The following SHISA9 variants were observed in gnomAD, a reference collection of about 807,000 sequenced individuals.
SHISA9 encodes shisa family member 9.
Under a neutral mutation model 38.0 loss-of-function variants are expected in SHISA9, and 13 were observed. The observed-to-expected ratio is 0.34, with a 90% confidence interval of 0.22 to 0.54. SHISA9 has a LOEUF of 0.54. Among genes scored for constraint, SHISA9 ranks in the 20% least tolerant of loss-of-function variants. The probability of loss-of-function intolerance (pLI) is 0.91; values close to 1 mark genes in which losing one functional copy is unlikely to be tolerated. For missense variants in SHISA9, 538 were observed against 575.8 expected (o/e 0.93, Z 0.67); for synonymous variants, 275 against 242.0 (o/e 1.14, Z -1.27).
intron 2 of SHISA9, among the ~76,000 whole-genome samples, chr16:13,163,445 C>G (rs774939495): frequency 6.6e-6 from 1 of 152,004 alleles, no homozygotes; most frequent in Admixed American, 6.6e-5. Context: ...ATTTTTACTG[C>G]GATTGCATTG....
chr16:13,209,507 A>G (rs2051098085), intron 3 of SHISA9, among the ~76,000 whole-genome samples: 1 of 152,240 alleles, frequency 6.6e-6, no homozygotes, highest in Admixed American at 6.5e-5. Flanking sequence ...GCCCAGGCAT[A>G]TAGATACTGT....
the SHISA9 span, among the ~76,000 whole-genome samples, chr16:13,280,557 A>G: frequency 2.0e-5 from 3 of 151,774 alleles, no homozygotes; most frequent in Non-Finnish European, 4.4e-5. Flanking sequence ...CTTGCCTATT[A>G]TTTAGAAGTA....
At chr16:13,467,829 C>G in the SHISA9 span, among the ~76,000 whole-genome samples, 1 of 152,186 alleles carries the variant, frequency 6.6e-6, no homozygotes, top group African/African-American at 2.4e-5. Context: ...TCACCTAACA[C>G]CAGGTTCATT....
At chr16:12,970,994 G>A (rs1325420988) in intron 2 of SHISA9, among the ~76,000 whole-genome samples, 1 of 152,212 alleles carries the variant, frequency 6.6e-6, no homozygotes, top group African/African-American at 2.4e-5. Context: ...CACGTGGACA[G>A]TTAGAGATTG....
At chr16:13,561,022 C>T in the SHISA9 span, among the ~76,000 whole-genome samples, 1 of 152,114 alleles carries the variant, frequency 6.6e-6, no homozygotes, top group Non-Finnish European at 1.5e-5. Context: ...CGACACCACT[C>T]CCGGCTAATT....
At chr16:13,374,736 G>A in the SHISA9 span, among the ~76,000 whole-genome samples, 34 of 152,068 alleles carry the variant, frequency 2.2e-4, no homozygotes, top group Non-Finnish European at 4.3e-4. Context: ...TTGAGGAATC[G>A]CCACACTGTC....
chr16:13,388,310 A>ATTT, the SHISA9 span, among the ~76,000 whole-genome samples: 5,627 of 140,268 alleles, frequency 0.04, 229 homozygotes, highest in African/African-American at 0.1. Flanking sequence ...AATTTGGGGA[A>ATTT]TTTTTTTTTT....
At position 13,097,334 on chromosome 16, in the gene SHISA9, C is replaced by T. The variant is rs183065038; in HGVS notation, c.692-106060C>T. Among the ~76,000 whole-genome samples the T allele has an allele frequency of 8.6e-4, 131 of 152,184 alleles. 1 individual carries two copies. Among genetic ancestry groups the T allele is most frequent in the Middle Eastern group, 6.8e-3 (2 of 292 alleles). On this transcript the variant is annotated intron_variant, in intron 2 of 4. Coordinates refer to ENST00000558583, the MANE Select transcript of SHISA9 (RefSeq NM_001145204.3). The stretch of plus-strand genomic sequence containing the variant: ...GACCCTTGGAATAGTGCTCTCAGGT[C>T]ATCTACCCAAGTGGACAGCAGGCAC...
chr16:13,105,604 G>A (rs2073918886), intron 2 of SHISA9, among the ~76,000 whole-genome samples: 1 of 152,222 alleles, frequency 6.6e-6, no homozygotes, highest in African/African-American at 2.4e-5. Flanking sequence ...CGTGCCAGCA[G>A]GATGGCTATG....
the SHISA9 span, among the ~76,000 whole-genome samples, chr16:13,388,833 G>A: frequency 6.6e-6 from 1 of 152,144 alleles, no homozygotes; most frequent in South Asian, 2.1e-4. Context: ...AAGAGGTGGA[G>A]GGGAGGAAAT....
chr16:12,970,491 A>T (rs1430517808), intron 2 of SHISA9, among the ~76,000 whole-genome samples: 3 of 28,202 alleles, frequency 1.1e-4, no homozygotes, highest in African/African-American at 4.0e-4. Context: ...ATATATATAT[A>T]TATATATTTT....
At chr16:12,948,321 A>G (rs1367464402) in intron 2 of SHISA9, among the ~76,000 whole-genome samples, 1 of 152,180 alleles carries the variant, frequency 6.6e-6, no homozygotes, top group African/African-American at 2.4e-5. Context: ...AAGGAGAGCC[A>G]CTCTCATCAG....
the SHISA9 span, among the ~76,000 whole-genome samples, chr16:13,312,845 T>C: frequency 6.6e-6 from 1 of 152,116 alleles, no homozygotes; most frequent in Non-Finnish European, 1.5e-5. Context: ...GTTTCAATTA[T>C]GGACTAAAGA....
chr16:12,957,388 A>G (rs947277012), intron 2 of SHISA9, among the ~76,000 whole-genome samples: 2 of 152,158 alleles, frequency 1.3e-5, no homozygotes, highest in African/African-American at 4.8e-5. Context: ...ACGATTCCGG[A>G]GGCTGGAAGT....
the SHISA9 span, among the ~76,000 whole-genome samples, chr16:13,501,171 C>G: frequency 3.0e-4 from 45 of 152,256 alleles, 1 homozygote; most frequent in African/African-American, 1.1e-3. Context: ...TTTCTGCAGA[C>G]ATTTTTGCTT....
At chr16:13,343,962 G>T in the SHISA9 span, among the ~76,000 whole-genome samples, 1 of 152,134 alleles carries the variant, frequency 6.6e-6, no homozygotes, top group Non-Finnish European at 1.5e-5. Flanking sequence ...ATTAATCATT[G>T]TTGTTATAGG....
chr16:13,553,088 A>G, the SHISA9 span, among the ~76,000 whole-genome samples: 7 of 151,942 alleles, frequency 4.6e-5, no homozygotes, highest in African/African-American at 1.7e-4. Flanking sequence ...TTGCCAAATG[A>G]CCCCTGGGGG....
At chr16:13,494,983 A>G in the SHISA9 span, among the ~76,000 whole-genome samples, 1 of 152,234 alleles carries the variant, frequency 6.6e-6, no homozygotes, top group Non-Finnish European at 1.5e-5. Context: ...TGACAAGATT[A>G]CATACTGTAT....
chr16:13,527,687 T>C, the SHISA9 span, among the ~76,000 whole-genome samples: 7 of 152,150 alleles, frequency 4.6e-5, no homozygotes, highest in Non-Finnish European at 7.3e-5. Context: ...TAGTTATCCC[T>C]GTTTGCCCCG....
Sources: allele counts gnomAD v4.1 joint callset (sites outside exome capture counted in the v4.1 genomes callset), GRCh38; gene constraint gnomAD v4.1.1; transcripts MANE v1.5; gene names NCBI Gene and HGNC (gene_info 2026-07-23, HGNC 2026-07-21).